The following PCDHA11 variants were observed in gnomAD, a reference collection of about 807,000 sequenced individuals.
The protein encoded by PCDHA11 is protocadherin alpha 11.
PCDHA11 carries 61 observed loss-of-function variants against 70.3 expected under a neutral mutation model. The ratio of observed to expected loss-of-function variants is 0.87; its 90% CI spans 0.71 to 1.07. The LOEUF (loss-of-function observed/expected upper bound fraction) is 1.07. PCDHA11 is among the 50% of genes least tolerant of loss of function. The probability of loss-of-function intolerance (pLI) is 0.00; values close to 1 mark genes in which losing one functional copy is unlikely to be tolerated. For missense variants in PCDHA11, 1,324 were observed against 1,237.5 expected, an observed-to-expected ratio of 1.07 and a Z score of -1.05; for synonymous variants, 633 against 555.1, an observed-to-expected ratio of 1.14 and a Z score of -1.97.
intron 1 of PCDHA11, among the ~76,000 whole-genome samples, chr5:140,913,389 C>T (rs1427012396): frequency 6.6e-6 from 1 of 152,122 alleles, no homozygotes; most frequent in Admixed American, 6.5e-5. Flanking sequence ...CTCATCATAG[C>T]CACTAATGAT....
chr5:140,927,621 A>G (rs141117468), intron 1 of PCDHA11: 25 of 1,614,198 alleles, frequency 1.5e-5, no homozygotes, highest in Middle Eastern at 3.3e-4. Context: ...CCAAGGTTCC[A>G]GAGACTGCAC....
At chr5:140,883,577 G>A (rs782633953) in intron 1 of PCDHA11, 3 of 1,614,052 alleles carry the variant, frequency 1.9e-6, no homozygotes, top group Non-Finnish European at 2.5e-6. Context: ...TTCGCTGTGG[G>A]CCACGGCCAG....
In PCDHA11 at chr5:140,871,443, T is replaced by C. The variant is rs1192118860; in HGVS notation, c.2340T>C (p.Asn780=). Residue 780 remains asparagine, a synonymous_variant, in exon 1 of 4, where the codon AAT becomes AAC. Coordinates refer to ENST00000398640, the MANE Select transcript of PCDHA11 (RefSeq NM_018902.5). Reference sequence around the variant, plus strand: ...GCCCCAGTCTTCCTCTAGGTCTGAATAAAGAGGAGGAAGGGGAAAGACAGG... The same window carrying C: ...GCCCCAGTCTTCCTCTAGGTCTGAACAAAGAGGAGGAAGGGGAAAGACAGG... ...AFSPSLPLGL[N]KEEEGERQEP... is the part of the protein sequence containing the mutation. 13 of 1,610,650 alleles carry C rather than the reference T, an allele frequency of 8.1e-6. No individual in the cohort carries two copies. The highest frequency in any genetic ancestry group is 1.3e-5 in the African/African-American group (1 of 74,846).
chr5:140,921,367 T>A (rs1165325497), intron 1 of PCDHA11, among the ~76,000 whole-genome samples: 1 of 152,182 alleles, frequency 6.6e-6, no homozygotes, highest in Non-Finnish European at 1.5e-5. Context: ...TCAAGTTTCA[T>A]ATTTCTACAT....
chr5:140,983,308 T>C (rs2153831139), intron 3 of PCDHA11, among the ~76,000 whole-genome samples: 1 of 152,322 alleles, frequency 6.6e-6, no homozygotes, highest in East Asian at 1.9e-4. Context: ...CACATTTGCT[T>C]GGTATCCTTA....
chr5:140,926,928 G>T, intron 1 of PCDHA11: 1 of 1,574,878 alleles, frequency 6.3e-7, no homozygotes, highest in Non-Finnish European at 8.6e-7. Flanking sequence ...TATGTTTGTG[G>T]GTTTCCTGCG....
At chr5:140,883,614 A>G (rs2059700095) in intron 1 of PCDHA11, 1 of 1,613,816 alleles carries the variant, frequency 6.2e-7, no homozygotes, top group South Asian at 1.1e-5. Context: ...GCCGACGTGA[A>G]CGACAACGCG....
At position 140,870,322 on chromosome 5, in the gene PCDHA11, G is replaced by A. The variant is rs1554164069; in HGVS notation, c.1219G>A (p.Val407Met). ...CACCTTCAAGAATTACTACTCGTTGGTGCTGGACAGCGCCCTGGACCGCGA... is the reference window on the plus strand; with the variant it reads ...CACCTTCAAGAATTACTACTCGTTGATGCTGGACAGCGCCCTGGACCGCGA... ...VSTFKNYYSLVLDSALDRENV... is the reference protein window; with the variant it reads ...VSTFKNYYSLMLDSALDRENV... The change falls in exon 1 of 4, where the codon GTG (valine) becomes ATG (methionine). Residue 407 changes from valine (V) to methionine (M), a missense_variant. By Grantham distance (21) the Val-to-Met change is conservative. Coordinates refer to ENST00000398640, the MANE Select transcript of PCDHA11 (RefSeq NM_018902.5). 1 of 1,614,086 alleles carries A rather than the reference G, an allele frequency of 6.2e-7. No homozygotes were observed. The highest frequency in any genetic ancestry group is 1.3e-5 in the African/African-American group (1 of 74,930).
chr5:140,906,662 G>A (rs1186000828), intron 1 of PCDHA11, among the ~76,000 whole-genome samples: 1 of 152,200 alleles, frequency 6.6e-6, no homozygotes, highest in Non-Finnish European at 1.5e-5. Context: ...TCCTGGTGTA[G>A]TGACCCAAAC....
chr5:140,967,727 G>A, intron 1 of PCDHA11: 1 of 1,614,148 alleles, frequency 6.2e-7, no homozygotes. Context: ...GCGAGTAATT[G>A]GGGGGCTGGA....
chr5:140,892,232 T>C (rs2063437812), intron 1 of PCDHA11, among the ~76,000 whole-genome samples: 1 of 152,176 alleles, frequency 6.6e-6, no homozygotes, highest in African/African-American at 2.4e-5. Context: ...GTGTTTTGTC[T>C]CCACATAAAC....
At chr5:140,883,932 T>A (rs1554180637) in intron 1 of PCDHA11, 2 of 1,613,418 alleles carry the variant, frequency 1.2e-6, no homozygotes. Context: ...CAGGTGTTCG[T>A]GCTGGACGAG....
At chr5:140,897,841 C>G (rs1272606504) in intron 1 of PCDHA11, among the ~76,000 whole-genome samples, 2 of 152,282 alleles carry the variant, frequency 1.3e-5, no homozygotes, top group South Asian at 2.1e-4. Flanking sequence ...CACATCCTCT[C>G]CAGCACCTGT....
chr5:140,887,236 A>G (rs575217506), intron 1 of PCDHA11, among the ~76,000 whole-genome samples: 53 of 151,920 alleles, frequency 3.5e-4, no homozygotes, highest in South Asian at 2.1e-3. Flanking sequence ...AGCTGAGACT[A>G]CCGGCGCCCG....
intron 1 of PCDHA11, among the ~76,000 whole-genome samples, chr5:140,954,401 A>G (rs567522525): frequency 2.0e-4 from 31 of 152,300 alleles, no homozygotes; most frequent in Middle Eastern, 3.4e-3. Flanking sequence ...AACCCCACCA[A>G]CAGGGTAAAG....
rs546803828 is a variant in PCDHA11 at position 140,871,318 on chromosome 5, G to A, written c.2215G>A (p.Val739Met). The change falls in exon 1 of 4, where the codon GTG becomes ATG. Residue 739 changes from valine (V) to methionine (M), a missense_variant. By Grantham distance (21) the Val-to-Met change is conservative (BLOSUM62 1). Transcript: ENST00000398640. ...GACAPGKPTL[V>M]CSRAVGSWSY... ...GTGCGCGCCGGGGAAGCCCACGCTG[G>A]TGTGCTCCCGCGCGGTGGGGAGCTG... 9.9e-6 allele frequency: 16 copies of A among 1,614,072 alleles called. No individual in the cohort carries two copies. Among genetic ancestry groups the A allele is most frequent in the Middle Eastern group, 1.7e-4 (1 of 6,058 alleles).
intron 1 of PCDHA11, among the ~76,000 whole-genome samples, chr5:140,922,606 T>C (rs1394298971): frequency 2.6e-5 from 4 of 152,176 alleles, no homozygotes; most frequent in African/African-American, 9.7e-5. Context: ...GTTGAAGATA[T>C]ATTAAAACTA....
At chr5:140,882,652 C>T (rs781900873) in intron 1 of PCDHA11, 1 of 1,614,216 alleles carries the variant, frequency 6.2e-7, no homozygotes, top group Non-Finnish European at 8.5e-7. Flanking sequence ...ACATTAACGA[C>T]AACCCGCCCA....
intron 1 of PCDHA11, among the ~76,000 whole-genome samples, chr5:140,941,284 TTCTCTTTC>T (rs1330714341): frequency 4.0e-5 from 5 of 124,574 alleles, no homozygotes; most frequent in African/African-American, 1.4e-4. Context: ...CTTCCTTCCT[TTCTCTTTC>T]TTTCTTTCTT....
Sources: gnomAD v4.1 joint callset for allele counts (sites outside exome capture counted in the v4.1 genomes callset) on GRCh38, gnomAD v4.1.1 for gene constraint, MANE v1.5 for transcripts, NCBI Gene and HGNC (gene_info 2026-07-23, HGNC 2026-07-21) for gene names.